Variants in PPP3CC observed in about 807,000 individuals in gnomAD.
The protein encoded by PPP3CC is serine/threonine-protein phosphatase 2B catalytic subunit gamma isoform.
In PPP3CC, 35 loss-of-function variants were observed where a neutral mutation model predicts 60.3. The observed-to-expected ratio is 0.58, with a 90% CI of 0.44 to 0.77. PPP3CC has a LOEUF of 0.77. Ranked by LOEUF, PPP3CC falls within the 30% of genes least tolerant of loss-of-function variation. The pLI is 0.00. For synonymous variants in PPP3CC, 206 were observed against 224.3 expected (o/e 0.92, Z 0.73); for missense variants, 570 against 628.9 (o/e 0.91, Z 1.00).
Position 22,511,177 on chromosome 8 carries a change from C to G in PPP3CC, c.576C>G (p.Leu192=). The G allele has an allele frequency of 2.5e-6, 4 of 1,613,746 alleles. No individual in the cohort carries two copies. The highest frequency in any genetic ancestry group is 3.4e-6 in the Non-Finnish European group (4 of 1,179,658). The change falls in exon 5 of 14, where the codon CTC becomes CTG. Residue 192 remains leucine, a synonymous_variant. Transcript: ENST00000240139. ...CTGCCCTCTTAAACCAGCAGTTTCT[C>G]TGTGTACATGGAGGAATGTCACCTG... ...PLAALLNQQF[L]CVHGGMSPEI...
rs1240129734 is a variant in PPP3CC at position 22,511,118 on chromosome 8, G to T, written c.517G>T (p.Ala173Ser). ...CAAATATTCGGAACAGGTGTATGATGCCTGTATGGAGACATTTGACTGTCT... is the reference window on the plus strand; with the variant it reads ...CAAATATTCGGAACAGGTGTATGATTCCTGTATGGAGACATTTGACTGTCT... ...RIKYSEQVYD[A>S]CMETFDCLPL... Residue 173 changes from alanine to serine, a missense_variant, in exon 5 of 14, where the codon GCC becomes TCC. Ala to Ser is a moderately conservative substitution (Grantham distance 99, BLOSUM62 1). Transcript: ENST00000240139. 3 of 1,614,034 alleles carry T rather than the reference G, an allele frequency of 1.9e-6. No homozygotes were observed. The Admixed American group carries it at 5.0e-5, about 27-fold the overall frequency.
Position 22,506,751 on chromosome 8 carries a change from C to T in PPP3CC, c.485-4335C>T, listed in dbSNP as rs182194020. Among the ~76,000 whole-genome samples, 13 of 150,584 alleles carry T rather than the reference C, an allele frequency of 8.6e-5. No homozygotes were observed. In the East Asian group the frequency reaches 1.8e-3, roughly 21 times the overall value. ...GGCCAGGAGATTGAGACCATCCTGG[C>T]GAACACAGTGAAACCCCGTCTCTAC... On this transcript the variant is annotated intron_variant, in intron 4 of 13. Transcript: ENST00000240139.
At chr8:22,511,058 C>G in intron 4 of PPP3CC, 28 bp from the exon 5 acceptor site, 2 of 1,610,428 alleles carry the variant, frequency 1.2e-6, no homozygotes, top group Non-Finnish European at 1.7e-6. Flanking sequence ...TTTAGTTCTT[C>G]CATTGACTGG....
intron 1 of PPP3CC, among the ~76,000 whole-genome samples, chr8:22,445,231 A>T (rs1240593993): frequency 6.6e-6 from 1 of 152,176 alleles, no homozygotes; most frequent in Non-Finnish European, 1.5e-5. Context: ...ATATTTTAAT[A>T]TTAGTGTGGA....
In PPP3CC at chr8:22,480,509, C is replaced by A. The variant is rs554534092; in HGVS notation, c.372+4885C>A. Among the ~76,000 whole-genome samples, 2 of 152,174 alleles carry A rather than the reference C, an allele frequency of 1.3e-5. 1 individual carries two copies. The highest frequency in any genetic ancestry group is 4.1e-4 in the South Asian group (2 of 4,836). ...ATTTTATTTTTTTGAGACGGAGTCT[C>A]GCTCTGTCACCCAGGCTGGAGTGCA... On this transcript the variant is annotated intron_variant, in intron 3 of 13. Transcript: ENST00000240139.
At chr8:22,449,258 G>A (rs905175074) in intron 1 of PPP3CC, among the ~76,000 whole-genome samples, 2 of 151,986 alleles carry the variant, frequency 1.3e-5, no homozygotes, top group Non-Finnish European at 2.9e-5. Flanking sequence ...AGACTAGCCT[G>A]GCAACATGGT....
intron 3 of PPP3CC, among the ~76,000 whole-genome samples, chr8:22,480,070 C>T (rs1163033526): frequency 6.6e-6 from 1 of 151,974 alleles, no homozygotes; most frequent in Non-Finnish European, 1.5e-5. Flanking sequence ...TTTAAGAGTA[C>T]TTGTTGAAGT....
In PPP3CC at chr8:22,522,754, A is replaced by G; in HGVS notation, c.943+5A>G. 3.2e-6 allele frequency: 5 copies of G among 1,539,478 alleles called. No individual in the cohort carries two copies. Among genetic ancestry groups the G allele is most frequent in the Non-Finnish European group, 4.5e-6 (5 of 1,113,092 alleles). On this transcript the variant is annotated splice_donor_5th_base_variant and intron_variant, in intron 8 of 13. Transcript: ENST00000240139. Reference sequence around the variant, plus strand: ...TAGATGTCTATAACAATAAAGGTAAAGGAATCCAGCAATATTTGAGTTTGA... The same window carrying G: ...TAGATGTCTATAACAATAAAGGTAAGGGAATCCAGCAATATTTGAGTTTGA...
In PPP3CC at chr8:22,463,941, C is replaced by G. The variant is rs1200672092; in HGVS notation, c.50-11013C>G. Among the ~76,000 whole-genome samples the G allele has an allele frequency of 2.0e-5, 3 of 152,036 alleles. No individual in the cohort carries two copies. In the East Asian group the frequency reaches 5.8e-4, roughly 29 times the overall value. On this transcript the variant is annotated intron_variant, in intron 1 of 13. Transcript: ENST00000240139. ...AGCTGGGATTACAGGTGTCCACCACCAAACCCCGCTAATTTTTTGTATTTT... is the reference window on the plus strand; with the variant it reads ...AGCTGGGATTACAGGTGTCCACCACGAAACCCCGCTAATTTTTTGTATTTT...
intron 4 of PPP3CC, among the ~76,000 whole-genome samples, chr8:22,507,095 G>A (rs1838948278): frequency 6.6e-6 from 1 of 151,770 alleles, no homozygotes; most frequent in Admixed American, 6.6e-5. Flanking sequence ...TTCCAGCCTG[G>A]GTGACAGAAT....
chr8:22,478,510 CTTAAAATAGCT>C (rs539563677), intron 3 of PPP3CC, among the ~76,000 whole-genome samples: 58 of 152,290 alleles, frequency 3.8e-4, no homozygotes, highest in African/African-American at 1.4e-3. Context: ...ACTCGTATAA[CTTAAAATAGCT>C]TTAAAATAGT....
In PPP3CC at chr8:22,522,706, A is replaced by G; in HGVS notation, c.900A>G (p.Thr300=). Residue 300 remains threonine, a synonymous_variant, in exon 8 of 14, where the codon ACA becomes ACG. Coordinates refer to ENST00000240139, the MANE Select transcript of PPP3CC (RefSeq NM_005605.5). ...SQATGFPSLI[T]IFSAPNYLDV... ...CCACAGGCTTTCCATCACTTATTAC[A>G]ATTTTCTCTGCCCCCAATTACCTAG... 1.2e-6 allele frequency: 2 copies of G among 1,605,834 alleles called. No homozygotes were observed. The highest frequency in any genetic ancestry group is 1.7e-6 in the Non-Finnish European group (2 of 1,172,664).
chr8:22,489,562 A>G (rs1412665037), intron 3 of PPP3CC, among the ~76,000 whole-genome samples: 1 of 145,536 alleles, frequency 6.9e-6, no homozygotes, highest in Non-Finnish European at 1.5e-5. Flanking sequence ...TGAGAGGTAC[A>G]GCATATATAT....
chr8:22,459,248 A>G (rs904980113), intron 1 of PPP3CC, among the ~76,000 whole-genome samples: 1 of 152,060 alleles, frequency 6.6e-6, no homozygotes, highest in African/African-American at 2.4e-5. Flanking sequence ...CATTTTAGTG[A>G]TTTGTTATTT....
chr8:22,540,499 T>C, intron 13 of PPP3CC, 116 bp from the exon 14 acceptor site: 1 of 1,030,978 alleles, frequency 9.7e-7, no homozygotes, highest in South Asian at 1.7e-5. Context: ...GTGTGCTCCA[T>C]AGCCACCTTT....
intron 1 of PPP3CC, among the ~76,000 whole-genome samples, chr8:22,451,761 T>C (rs565460245): frequency 9.7e-4 from 148 of 152,244 alleles, no homozygotes; most frequent in Non-Finnish European, 1.9e-3. Flanking sequence ...GTACGCAAAT[T>C]TATTTTGTGC....
intron 1 of PPP3CC, among the ~76,000 whole-genome samples, chr8:22,467,501 G>A (rs1425108979): frequency 6.6e-6 from 1 of 152,054 alleles, no homozygotes; most frequent in African/African-American, 2.4e-5. Context: ...GAGTTTCAGT[G>A]GTGCGATCTC....
At chr8:22,456,763 C>T (rs755755105) in intron 1 of PPP3CC, among the ~76,000 whole-genome samples, 14 of 152,182 alleles carry the variant, frequency 9.2e-5, no homozygotes, top group Non-Finnish European at 1.0e-4. Context: ...CCCCCTTCTC[C>T]ACGGGAAACT....
intron 1 of PPP3CC, among the ~76,000 whole-genome samples, chr8:22,455,564 A>G (rs1345171785): frequency 6.6e-6 from 1 of 152,232 alleles, no homozygotes; most frequent in African/African-American, 2.4e-5. Flanking sequence ...TAATAAAGAT[A>G]GTTGGTGGGC....
Sources: gnomAD v4.1 joint callset for allele counts (sites outside exome capture counted in the v4.1 genomes callset) on GRCh38, gnomAD v4.1.1 for gene constraint, MANE v1.5 for transcripts, NCBI Gene and HGNC (gene_info 2026-07-23, HGNC 2026-07-21) for gene names.